OSBPL10: variants seen among roughly 807,000 people sequenced by gnomAD.
OSBPL10 encodes oxysterol-binding protein-related protein 10.
A neutral mutation model predicts 81.7 loss-of-function variants in OSBPL10; 49 were observed. The observed-to-expected ratio is 0.60, with a 90% CI of 0.48 to 0.76. The LOEUF is 0.76. OSBPL10 is among the 30% of genes least tolerant of loss of function. The pLI is 0.00. For synonymous variants in OSBPL10, 419 were observed against 383.6 expected (o/e 1.09, Z -1.08); for missense variants, 923 against 987.8 (o/e 0.93, Z 0.88).
At chr3:31,734,334 AT>A (rs1300570245) in intron 5 of OSBPL10, among the ~76,000 whole-genome samples, 6 of 152,028 alleles carry the variant, frequency 3.9e-5, no homozygotes, top group Non-Finnish European at 8.8e-5. Flanking sequence ...TTTTACTCTA[AT>A]TTTTTTTAAG....
intron 1 of OSBPL10, among the ~76,000 whole-genome samples, chr3:31,922,395 G>C (rs1696942363): frequency 6.6e-6 from 1 of 152,196 alleles, no homozygotes; most frequent in Non-Finnish European, 1.5e-5. Context: ...ATGGCGGGCA[G>C]ATCACCTGAG....
intron 2 of OSBPL10, among the ~76,000 whole-genome samples, chr3:32,023,594 C>A (rs985296709): frequency 6.6e-6 from 1 of 152,178 alleles, no homozygotes. Flanking sequence ...CCTAAAAGAA[C>A]CCCCTGCTCC....
chr3:31,713,049 G>C (rs916683062), intron 6 of OSBPL10, among the ~76,000 whole-genome samples: 2 of 152,146 alleles, frequency 1.3e-5, no homozygotes, highest in African/African-American at 4.8e-5. Context: ...CCTAATTACT[G>C]CAACAGCTTC....
intron 1 of OSBPL10, among the ~76,000 whole-genome samples, chr3:31,905,345 A>ATTT (rs386396290): frequency 0.01 from 972 of 94,794 alleles, 77 homozygotes; most frequent in South Asian, 0.028. Context: ...GAACCTGGTG[A>ATTT]TTTTTTTTTT....
intron 6 of OSBPL10, among the ~76,000 whole-genome samples, chr3:31,710,317 G>A (rs948371473): frequency 2.6e-5 from 4 of 152,164 alleles, no homozygotes; most frequent in South Asian, 2.1e-4. Context: ...ATGCTCTGAC[G>A]AGGCCTGTGA....
chr3:31,754,288 G>GTT (rs1193548149), intron 4 of OSBPL10, among the ~76,000 whole-genome samples: 5 of 152,122 alleles, frequency 3.3e-5, no homozygotes, highest in Non-Finnish European at 7.3e-5. Flanking sequence ...TGTTAAGCCT[G>GTT]TTTTAGTGAG....
intron 3 of OSBPL10, among the ~76,000 whole-genome samples, chr3:31,836,564 A>C: frequency 7.5e-6 from 1 of 134,200 alleles, no homozygotes; most frequent in Non-Finnish European, 1.6e-5. Flanking sequence ...CTGCCAATAA[A>C]TCCTGCTGAC....
chr3:31,677,810 G>A (rs937650014), intron 8 of OSBPL10, among the ~76,000 whole-genome samples: 23 of 149,982 alleles, frequency 1.5e-4, no homozygotes, highest in Non-Finnish European at 2.5e-4. Context: ...GGCCGGGCGC[G>A]GTGGCTCACG....
chr3:31,879,812 G>A lies in OSBPL10; in HGVS notation c.300C>T (p.Phe100=), dbSNP rs749283503. ...CAAAATACTGCAGGATGCCAGCCTC[G>A]AAATCCAGTACGAAGTACCTGCACA... ...GWQNRYFVLD[F]EAGILQYFVN... Residue 100 remains phenylalanine, a synonymous_variant, in exon 2 of 12, where the codon TTC becomes TTT. Transcript: ENST00000396556. 5.6e-6 allele frequency: 9 copies of A among 1,613,712 alleles called. No individual in the cohort carries two copies. The highest frequency in any genetic ancestry group is 3.3e-5 in the South Asian group (3 of 91,028).
intron 2 of OSBPL10, among the ~76,000 whole-genome samples, chr3:31,878,090 T>C (rs758688063): frequency 4.6e-5 from 7 of 152,170 alleles, no homozygotes; most frequent in Non-Finnish European, 8.8e-5. Context: ...AGTTACGCTT[T>C]AGCTAAATTT....
intron 2 of OSBPL10, among the ~76,000 whole-genome samples, chr3:32,036,405 A>C (rs1365932293): frequency 2.6e-5 from 4 of 152,198 alleles, no homozygotes. Context: ...TCCAATTGCC[A>C]CTGCCCAGGT....
At position 31,907,455 on chromosome 3, in the gene OSBPL10, C is replaced by T. The variant is rs62243035; in HGVS notation, c.282-27625G>A. On this transcript the variant is annotated intron_variant, in intron 1 of 11. Coordinates refer to ENST00000396556, the MANE Select transcript of OSBPL10 (RefSeq NM_017784.5). ...CAGCCTGGCCAACATGGTGAAATCC[C>T]GTCTCCACTAAAAATACAAAAAGTA... Among the ~76,000 whole-genome samples the T allele has an allele frequency of 2.8e-3, 426 of 151,486 alleles. 2 individuals carry two copies. The Middle Eastern group carries it at 0.031, about 11-fold the overall frequency.
rs1037401562 is a variant in OSBPL10 at position 32,065,499 on chromosome 3, G to C, written n.185+11897C>G. The C allele has an allele frequency of 2.2e-4, 20 of 92,270 alleles. 6 individuals carry two copies. The highest frequency in any genetic ancestry group is 4.7e-4 in the African/African-American group (17 of 35,854). 5.7% of individuals were successfully genotyped at this position (92,270 alleles called of 1,614,324 possible). The stretch of plus-strand genomic sequence containing the variant: ...CAGAACTTTGGCCAGGCTCCTCTGA[G>C]GCCTCTGCTTGACTAGGCCTGCCCT... On this transcript the variant is annotated intron_variant and non_coding_transcript_variant, in intron 1 of 3. Coordinates refer to the OSBPL10 transcript ENST00000479173.
intron 2 of OSBPL10, among the ~76,000 whole-genome samples, chr3:32,033,045 A>G (rs1699487333): frequency 6.6e-6 from 1 of 152,170 alleles, no homozygotes; most frequent in African/African-American, 2.4e-5. Flanking sequence ...AATGTGATGA[A>G]TTTCCTTTAA....
intron 4 of OSBPL10, among the ~76,000 whole-genome samples, chr3:31,771,647 C>T (rs1223614634): frequency 6.6e-6 from 1 of 152,144 alleles, no homozygotes; most frequent in Non-Finnish European, 1.5e-5. Flanking sequence ...CACCTGGACC[C>T]ATCTAGATTA....
Position 31,990,227 on chromosome 3 carries a change from C to G in OSBPL10, n.298+56264G>C, listed in dbSNP as rs750897361. ...TGTGGCAAAGCCTTTAGTGGGCAGT[C>G]AACACTTATTCACCATCAAGCAATC... is the stretch of plus-strand genomic sequence containing the variant. On this transcript the variant is annotated intron_variant and non_coding_transcript_variant, in intron 2 of 3. Coordinates refer to the OSBPL10 transcript ENST00000479173. 1.9e-6 allele frequency: 3 copies of G among 1,613,918 alleles called. No individual in the cohort carries two copies. In the South Asian group the frequency reaches 3.3e-5, roughly 18 times the overall value.
At chr3:31,674,174 C>A (rs889990961) in intron 8 of OSBPL10, among the ~76,000 whole-genome samples, 1 of 152,114 alleles carries the variant, frequency 6.6e-6, no homozygotes, top group Non-Finnish European at 1.5e-5. Flanking sequence ...AGGGATCTCT[C>A]ATTAATGACT....
intron 1 of OSBPL10, among the ~76,000 whole-genome samples, chr3:31,946,927 T>C (rs1413960151): frequency 6.6e-6 from 1 of 151,924 alleles, no homozygotes; most frequent in Admixed American, 6.6e-5. Flanking sequence ...GCAAGGAGCA[T>C]CGAAACAAAG....
At chr3:31,667,121 C>T (rs1700210747) in intron 10 of OSBPL10, among the ~76,000 whole-genome samples, 1 of 152,236 alleles carries the variant, frequency 6.6e-6, no homozygotes, top group Non-Finnish European at 1.5e-5. Context: ...CAGGTGATCA[C>T]AGTTTTGTTC....
Sources: gnomAD v4.1 joint callset for allele counts (sites outside exome capture counted in the v4.1 genomes callset) on GRCh38, gnomAD v4.1.1 for gene constraint, MANE v1.5 for transcripts, NCBI Gene and HGNC (gene_info 2026-07-23, HGNC 2026-07-21) for gene names.